The following ZMYM2 variants were observed in gnomAD, a reference collection of about 807,000 sequenced individuals.
ZMYM2 encodes the protein zinc finger MYM-type containing 2, also known as zinc finger MYM-type protein 2.
In ZMYM2, 56 loss-of-function variants were observed where a neutral mutation model predicts 162.8. That is an observed-to-expected ratio of 0.34 (90% CI 0.28 to 0.43). The LOEUF is 0.43. ZMYM2 is among the 20% of genes least tolerant of loss of function. ZMYM2 has a pLI of 1.00. For missense variants in ZMYM2, 1,275 were observed against 1,621.8 expected (o/e 0.79, Z 3.67); for synonymous variants, 510 against 541.6 (o/e 0.94, Z 0.81).
intron 6 of ZMYM2, among the ~76,000 whole-genome samples, chr13:20,008,386 C>CT (rs1419177283): frequency 2.6e-5 from 4 of 152,276 alleles, no homozygotes; most frequent in African/African-American, 9.6e-5. Context: ...CCACCTCGGC[C>CT]TTCCAAAGTG....
At chr13:19,999,534 G>A (rs1950248569) in intron 3 of ZMYM2, among the ~76,000 whole-genome samples, 1 of 152,140 alleles carries the variant, frequency 6.6e-6, no homozygotes, top group Non-Finnish European at 1.5e-5. Flanking sequence ...GGACCTCCCT[G>A]TTCCTTGAGA....
the ZMYM2 span, among the ~76,000 whole-genome samples, chr13:19,875,189 C>G: frequency 1.3e-5 from 2 of 152,060 alleles, no homozygotes; most frequent in African/African-American, 4.8e-5. Flanking sequence ...AATCTGGGAT[C>G]CTTTTGGAGT....
chr13:19,867,247 G>C, the ZMYM2 span, among the ~76,000 whole-genome samples: 5 of 152,220 alleles, frequency 3.3e-5, 1 homozygote, highest in South Asian at 1.0e-3. Context: ...CAGCTACTTG[G>C]GAGGCTGAGG....
chr13:19,945,835 G>A, the ZMYM2 span, among the ~76,000 whole-genome samples: 1 of 151,080 alleles, frequency 6.6e-6, no homozygotes, highest in Non-Finnish European at 1.5e-5. Context: ...TGTAATCTCA[G>A]CTACTTGGGA....
At chr13:20,008,297 A>G (rs1465739029) in intron 6 of ZMYM2, among the ~76,000 whole-genome samples, 1 of 152,106 alleles carries the variant, frequency 6.6e-6, no homozygotes, top group East Asian at 1.9e-4. Flanking sequence ...TGCCCGACTA[A>G]TTTTTGTATT....
the ZMYM2 span, among the ~76,000 whole-genome samples, chr13:19,937,158 T>C: frequency 6.6e-6 from 1 of 152,166 alleles, no homozygotes; most frequent in Admixed American, 6.5e-5. Flanking sequence ...TCTACTTTTT[T>C]TTTTTTCTTA....
chr13:19,940,291 C>T, the ZMYM2 span, among the ~76,000 whole-genome samples: 1 of 152,152 alleles, frequency 6.6e-6, no homozygotes, highest in Non-Finnish European at 1.5e-5. Flanking sequence ...TTAAGCAGTT[C>T]TTTTCTTCCA....
At chr13:19,941,295 G>A in the ZMYM2 span, among the ~76,000 whole-genome samples, 16 of 149,796 alleles carry the variant, frequency 1.1e-4, no homozygotes, top group Admixed American at 5.3e-4. Flanking sequence ...GTGACAGAGC[G>A]GAAAACAGAA....
the ZMYM2 span, among the ~76,000 whole-genome samples, chr13:19,879,771 TTGAC>T: frequency 3.1e-4 from 47 of 152,184 alleles, 2 homozygotes; most frequent in Non-Finnish European, 2.9e-5. Context: ...TTGTGCCACT[TTGAC>T]TGGGCTGAAG....
intron 7 of ZMYM2, among the ~76,000 whole-genome samples, chr13:20,023,122 C>T (rs1262488251): frequency 6.6e-6 from 1 of 151,472 alleles, no homozygotes; most frequent in East Asian, 1.9e-4. Flanking sequence ...AGTCATAGGC[C>T]CTATTAAACT....
chr13:19,914,873 G>A, the ZMYM2 span, among the ~76,000 whole-genome samples: 3 of 152,094 alleles, frequency 2.0e-5, no homozygotes, highest in Non-Finnish European at 4.4e-5. Flanking sequence ...TCTAAGTGGC[G>A]ATACTTTCCA....
At chr13:19,974,977 T>G (rs1251553367) in intron 2 of ZMYM2, among the ~76,000 whole-genome samples, 1 of 152,162 alleles carries the variant, frequency 6.6e-6, no homozygotes, top group Non-Finnish European at 1.5e-5. Flanking sequence ...TTAAGTAGTA[T>G]TTTTGTAGAT....
chr13:19,967,782 T>C (rs1055013681), intron 2 of ZMYM2, among the ~76,000 whole-genome samples: 1 of 152,168 alleles, frequency 6.6e-6, no homozygotes, highest in African/African-American at 2.4e-5. Flanking sequence ...AGCTGGCCAA[T>C]AGTAGGTGCT....
the ZMYM2 span, among the ~76,000 whole-genome samples, chr13:19,878,517 C>CCCTTTTT: frequency 2.0e-5 from 2 of 99,028 alleles, 1 homozygote; most frequent in African/African-American, 7.1e-5. Context: ...TTCCTTTGCC[C>CCCTTTTT]TTTTTTTTTT....
intron 19 of ZMYM2, 82 bp downstream of exon 19, chr13:20,064,627 T>G: frequency 9.7e-7 from 1 of 1,028,356 alleles, no homozygotes; most frequent in Admixed American, 3.7e-5. Context: ...TGCCTGAGAA[T>G]ATGGGAACAT....
rs868618969 is a variant in ZMYM2, at chr13:20,086,180, A to G, written c.*166A>G. The G allele has an allele frequency of 1.8e-6, 1 of 568,588 alleles. No homozygotes were observed. Among genetic ancestry groups the G allele is most frequent in the Non-Finnish European group, 2.9e-6 (1 of 344,956 alleles). 35.2% of individuals were successfully genotyped at this position (568,588 alleles called of 1,614,324 possible). On this transcript the variant is annotated 3_prime_UTR_variant, in exon 25 of 25. Transcript: ENST00000610343. ...AAATAATCTGTGAGTGAAAGTTGCC[A>G]TTATTCTATGTAGTGGTTTTAGGAT...
chr13:20,035,358 G>A lies in ZMYM2; in HGVS notation c.2119+954G>A, dbSNP rs532755704. 3.3e-5 allele frequency among the ~76,000 whole-genome samples: 5 copies of A among 152,252 alleles called. No individual in the cohort carries two copies. The South Asian group carries it at 8.3e-4, about 25-fold the overall frequency. On this transcript the variant is annotated intron_variant, in intron 11 of 24. Coordinates refer to ENST00000610343, the MANE Select transcript of ZMYM2 (RefSeq NM_197968.4). ...GGGTGCTGCTTGCTTATAAAACAAG[G>A]CATTCCTATTTAAATTTAATTTTGT...
chr13:20,017,294 G>A (rs1951706355), intron 6 of ZMYM2, among the ~76,000 whole-genome samples: 1 of 152,222 alleles, frequency 6.6e-6, no homozygotes, highest in African/African-American at 2.4e-5. Flanking sequence ...GTGTGAATGG[G>A]ATTAGGGTCT....
the ZMYM2 span, among the ~76,000 whole-genome samples, chr13:19,941,322 CA>C: frequency 4.8e-3 from 614 of 127,930 alleles, 4 homozygotes; most frequent in African/African-American, 0.013. Flanking sequence ...AACAAAAAAA[CA>C]AAAAAAAAAA....
Sources: gnomAD v4.1 joint callset for allele counts (sites outside exome capture counted in the v4.1 genomes callset) on GRCh38, gnomAD v4.1.1 for gene constraint, MANE v1.5 for transcripts, NCBI Gene and HGNC (gene_info 2026-07-23, HGNC 2026-07-21) for gene names.